LDHA: variants seen among roughly 807,000 people sequenced by gnomAD.
The protein encoded by LDHA is L-lactate dehydrogenase A chain.
LDHA carries 10 observed loss-of-function variants against 36.3 expected under a neutral mutation model. That is an observed-to-expected ratio of 0.28 (90% CI 0.17 to 0.47). The LOEUF is 0.47. Among genes scored for constraint, LDHA ranks in the 20% least tolerant of loss-of-function variants. The pLI is 0.99. For synonymous variants in LDHA, 110 were observed against 136.7 expected, an observed-to-expected ratio of 0.80 and a Z score of 1.36; for missense variants, 267 against 405.8, an observed-to-expected ratio of 0.66 and a Z score of 2.94.
Position 18,401,005 on chromosome 11 carries a change from A to G in LDHA, c.413A>G (p.Asn138Ser). 6.2e-7 allele frequency: 1 copy of G among 1,612,468 alleles called. No individual in the cohort carries two copies. The highest frequency in any genetic ancestry group is 1.7e-5 in the Admixed American group (1 of 59,902). The change falls in exon 4 of 8, where the codon AAT (asparagine) becomes AGT (serine). Residue 138 changes from asparagine (N) to serine (S), a missense_variant. Coordinates refer to ENST00000422447, the MANE Select transcript of LDHA (RefSeq NM_005566.4). ...AACTGCAAGTTGCTTATTGTTTCAAATCCAGGTGAGGCTTTTGACTGCATA... is the reference window on the plus strand; with the variant it reads ...AACTGCAAGTTGCTTATTGTTTCAAGTCCAGGTGAGGCTTTTGACTGCATA... ...SPNCKLLIVS[N>S]PVDILTYVAW... is the part of the protein sequence containing the mutation.
Position 18,396,864 on chromosome 11 carries a change from C to T in LDHA, c.22C>T (p.Leu8=), listed in dbSNP as rs779123718. The T allele has an allele frequency of 6.2e-7, 1 of 1,613,200 alleles. No homozygotes were observed. The highest frequency in any genetic ancestry group is 8.5e-7 in the Non-Finnish European group (1 of 1,179,364). Residue 8 remains leucine (L), a synonymous_variant, in exon 2 of 8, where the codon CTG becomes TTG. Coordinates refer to ENST00000422447, the MANE Select transcript of LDHA (RefSeq NM_005566.4). ...CAATATGGCAACTCTAAAGGATCAGCTGATTTATAATCTTCTAAAGGAAGA... is the reference window on the plus strand; with the variant it reads ...CAATATGGCAACTCTAAAGGATCAGTTGATTTATAATCTTCTAAAGGAAGA... MATLKDQ[L]IYNLLKEEQT...
chr11:18,394,794 G>A, intron 1 of LDHA, 158 bp downstream of exon 1: 1 of 383,296 alleles, frequency 2.6e-6, no homozygotes, highest in Non-Finnish European at 5.3e-6. Context: ...TCTGGGCGGC[G>A]GCCCACACAA....
rs537487381 is a variant in LDHA at position 18,396,895 on chromosome 11, C to A, written c.53C>A (p.Thr18Asn). 3 of 1,612,356 alleles carry A rather than the reference C, an allele frequency of 1.9e-6. No individual in the cohort carries two copies. The highest frequency in any genetic ancestry group is 3.3e-5 in the Admixed American group (2 of 59,936). Reference sequence around the variant, plus strand: ...TATAATCTTCTAAAGGAAGAACAGACCCCCCAGAATAAGATTACAGTTGTT... The same window carrying A: ...TATAATCTTCTAAAGGAAGAACAGAACCCCCAGAATAAGATTACAGTTGTT... ...LIYNLLKEEQTPQNKITVVGV... is the reference protein window; with the variant it reads ...LIYNLLKEEQNPQNKITVVGV... Residue 18 changes from threonine to asparagine, a missense_variant, in exon 2 of 8, where the codon ACC becomes AAC. Thr to Asn is a moderately conservative substitution (Grantham distance 65). Coordinates refer to ENST00000422447, the MANE Select transcript of LDHA (RefSeq NM_005566.4).
At chr11:18,395,852 A>G (rs950551323) in intron 1 of LDHA, among the ~76,000 whole-genome samples, 2 of 152,208 alleles carry the variant, frequency 1.3e-5, no homozygotes, top group Non-Finnish European at 2.9e-5. Flanking sequence ...TACTGAAACT[A>G]TTTCTTCATA....
At chr11:18,397,348 C>T in intron 2 of LDHA, 1 of 164,230 alleles carries the variant, frequency 6.1e-6, no homozygotes, top group Non-Finnish European at 1.3e-5. Flanking sequence ...TATGGGAAAT[C>T]ATAAGTTCTC....
chr11:18,402,807 A>T (rs762680971), intron 4 of LDHA, 33 bp from the exon 5 acceptor site: 1 of 1,546,900 alleles, frequency 6.5e-7, no homozygotes, highest in Non-Finnish European at 8.9e-7. Flanking sequence ...GGGAGAGGAT[A>T]ATGGGTGATT....
At position 18,397,734 on chromosome 11, in the gene LDHA, C is replaced by A. The variant is rs186662679; in HGVS notation, c.126+766C>A. On this transcript the variant is annotated intron_variant, in intron 2 of 7. Coordinates refer to ENST00000422447, the MANE Select transcript of LDHA (RefSeq NM_005566.4). Reference sequence around the variant, plus strand: ...GCTGAGGCAGGAGAATTGCTTGAACCCAGGAGGTGGAGGTGGCAGTGACCC... The same window carrying A: ...GCTGAGGCAGGAGAATTGCTTGAACACAGGAGGTGGAGGTGGCAGTGACCC... Among the ~76,000 whole-genome samples the A allele has an allele frequency of 2.2e-3, 330 of 152,144 alleles. 2 individuals are homozygous for A. The highest frequency in any genetic ancestry group is 1.4e-3 in the Non-Finnish European group (96 of 68,002).
At chr11:18,399,114 A>C in intron 2 of LDHA, 2 of 349,878 alleles carry the variant, frequency 5.7e-6, no homozygotes, top group Non-Finnish European at 1.1e-5. Context: ...GAGAGTAGAC[A>C]GAGCAGTTTT....
rs1365649442 is a variant in LDHA at position 18,399,493 on chromosome 11, G to A, written c.189G>A (p.Met63Ile). Reference sequence around the variant, plus strand: ...AAGACAAATTGAAGGGAGAGATGATGGATCTCCAACATGGCAGCCTTTTCC... The same window carrying A: ...AAGACAAATTGAAGGGAGAGATGATAGATCTCCAACATGGCAGCCTTTTCC... ...VIEDKLKGEM[M>I]DLQHGSLFLR... is the part of the protein sequence containing the mutation. Residue 63 changes from methionine to isoleucine, a missense_variant, in exon 3 of 8, where the codon ATG becomes ATA. Coordinates refer to ENST00000422447, the MANE Select transcript of LDHA (RefSeq NM_005566.4). 5.0e-6 allele frequency: 8 copies of A among 1,613,572 alleles called. No individual in the cohort carries two copies. The highest frequency in any genetic ancestry group is 6.8e-6 in the Non-Finnish European group (8 of 1,179,506).
intron 7 of LDHA, 25 bp from the exon 8 acceptor site, chr11:18,407,092 T>TTTTA: frequency 6.3e-7 from 1 of 1,582,358 alleles, no homozygotes. Context: ...AATGTGAGAT[T>TTTTA]TTTTTTTTTT....
chr11:18,398,648 G>A (rs1477181048), intron 2 of LDHA: 1 of 115,056 alleles, frequency 8.7e-6, no homozygotes, highest in African/African-American at 3.4e-5. Flanking sequence ...GAGTCTCGCC[G>A]TGTCGCCCAG....
intron 7 of LDHA, 101 bp from the exon 8 acceptor site, chr11:18,407,016 T>TA (rs1045907225): frequency 8.8e-3 from 7,407 of 842,354 alleles, no homozygotes; most frequent in Non-Finnish European, 9.9e-3. Context: ...AAAAAAAAAT[T>TA]AAAAAAAAAA....
Position 18,400,963 on chromosome 11 carries a change from T to C in LDHA, c.371T>C (p.Val124Ala), listed in dbSNP as rs765937866. 46 of 1,613,414 alleles carry C rather than the reference T, an allele frequency of 2.9e-5. 1 individual carries two copies. The South Asian group carries it at 4.4e-4, about 15-fold the overall frequency. ...ATCTTTAAATTCATCATTCCTAATG[T>C]TGTAAAATACAGCCCGAACTGCAAG... Reference protein sequence around the residue: ...VNIFKFIIPNVVKYSPNCKLL... With the variant: ...VNIFKFIIPNAVKYSPNCKLL... The change falls in exon 4 of 8, where the codon GTT becomes GCT. Residue 124 changes from valine (V) to alanine (A), a missense_variant. Val to Ala is a moderately conservative substitution (Grantham distance 64, BLOSUM62 0). Coordinates refer to ENST00000422447, the MANE Select transcript of LDHA (RefSeq NM_005566.4).
chr11:18,408,381 T>G lies in LDHA; in HGVS notation c.*1100T>G, dbSNP rs1866780859. Reference sequence around the variant, plus strand: ...ACAAGTAACCTTGGTGGATGTCTACTCAAGTTTTCTGCACATTTTTCTGAA... The same window carrying G: ...ACAAGTAACCTTGGTGGATGTCTACGCAAGTTTTCTGCACATTTTTCTGAA... On this transcript the variant is annotated 3_prime_UTR_variant, in exon 8 of 8. Coordinates refer to ENST00000422447, the MANE Select transcript of LDHA (RefSeq NM_005566.4). The G allele has an allele frequency of 2.8e-6, 1 of 355,842 alleles. No individual in the cohort carries two copies. 22.0% of individuals were successfully genotyped at this position (355,842 alleles called of 1,614,324 possible).
At chr11:18,400,499 G>A in intron 3 of LDHA, 1 of 369,746 alleles carries the variant, frequency 2.7e-6, no homozygotes, top group Non-Finnish European at 5.2e-6. Context: ...GCCTGTTCCT[G>A]GGCTGATAGG....
At chr11:18,395,887 A>G (rs373227611) in intron 1 of LDHA, among the ~76,000 whole-genome samples, 2 of 152,338 alleles carry the variant, frequency 1.3e-5, no homozygotes, top group African/African-American at 4.8e-5. Context: ...CCTTTGCAAC[A>G]AGGATCACGG....
At chr11:18,397,932 G>T (rs925662893) in intron 2 of LDHA, among the ~76,000 whole-genome samples, 6 of 152,150 alleles carry the variant, frequency 3.9e-5, no homozygotes, top group Admixed American at 3.9e-4. Flanking sequence ...CTATGAAAAG[G>T]CCTCGTAACA....
At chr11:18,397,059 T>G in intron 2 of LDHA, 91 bp downstream of exon 2, 2 of 1,170,438 alleles carry the variant, frequency 1.7e-6, no homozygotes, top group Non-Finnish European at 2.5e-6. Context: ...TTACATTTCA[T>G]GTAACAGTAT....
rs965880928 is a variant in LDHA at position 18,408,289 on chromosome 11, T to C, written c.*1008T>C. ...TGGGCTGATCACTGGAGGCCAGGAA[T>C]TGGGGACCAGCCTGGCCAACACAAC... On this transcript the variant is annotated 3_prime_UTR_variant, in exon 8 of 8. Transcript: ENST00000422447. 3.7e-5 allele frequency: 16 copies of C among 436,516 alleles called. No homozygotes were observed. Among genetic ancestry groups the C allele is most frequent in the African/African-American group, 1.0e-4 (5 of 49,186 alleles). 27.0% of individuals were successfully genotyped at this position (436,516 alleles called of 1,614,324 possible).
Sources: allele counts gnomAD v4.1 joint callset (sites outside exome capture counted in the v4.1 genomes callset), GRCh38; gene constraint gnomAD v4.1.1; transcripts MANE v1.5; gene names NCBI Gene and HGNC (gene_info 2026-07-23, HGNC 2026-07-21).